TPRG1: variants seen among roughly 807,000 people sequenced by gnomAD.
The protein encoded by TPRG1 is tumor protein p63-regulated gene 1 protein.
A neutral mutation model predicts 29.3 loss-of-function variants in TPRG1; 29 were observed. The observed-to-expected ratio is 0.99, with a 90% CI of 0.74 to 1.35. The LOEUF is 1.35. Among genes scored for constraint, TPRG1 ranks in the 40% most tolerant of loss-of-function variants. TPRG1 has a pLI of 0.00. For missense variants in TPRG1, 327 were observed against 335.0 expected (o/e 0.98, Z 0.19); for synonymous variants, 130 against 116.8 (o/e 1.11, Z -0.73).
chr3:189,184,002 C>T (rs368817451), intron 1 of TPRG1, among the ~76,000 whole-genome samples: 1 of 151,952 alleles, frequency 6.6e-6, no homozygotes, highest in Non-Finnish European at 1.5e-5. Context: ...TTAGAGATTG[C>T]AGTAAAGACA....
chr3:189,260,412 C>G (rs1036172153), intron 4 of TPRG1, among the ~76,000 whole-genome samples: 2 of 152,136 alleles, frequency 1.3e-5, no homozygotes, highest in Non-Finnish European at 2.9e-5. Context: ...TCTAATTTTT[C>G]TTTGTATTGA....
intron 4 of TPRG1, among the ~76,000 whole-genome samples, chr3:189,264,597 T>C (rs913554889): frequency 6.6e-6 from 1 of 152,198 alleles, no homozygotes; most frequent in Admixed American, 6.5e-5. Context: ...AGGAAGTGGG[T>C]TAAATTATTC....
At chr3:189,285,475 G>C (rs986515850) in intron 4 of TPRG1, among the ~76,000 whole-genome samples, 1 of 152,136 alleles carries the variant, frequency 6.6e-6, no homozygotes, top group African/African-American at 2.4e-5. Context: ...AGTGTTCAGT[G>C]CTCCAAGTAA....
At chr3:189,063,315 C>T (rs1716235510) in intron 4 of TPRG1, among the ~76,000 whole-genome samples, 1 of 152,068 alleles carries the variant, frequency 6.6e-6, no homozygotes, top group Non-Finnish European at 1.5e-5. Context: ...TAATTCAGTA[C>T]TTCAGCATTA....
At chr3:189,116,394 G>A (rs1289870188) in intron 1 of TPRG1, among the ~76,000 whole-genome samples, 2 of 152,078 alleles carry the variant, frequency 1.3e-5, no homozygotes, top group African/African-American at 2.4e-5. Flanking sequence ...GGCCAGGTTG[G>A]TGTTGAACTC....
At chr3:189,274,525 A>G (rs932101285) in intron 4 of TPRG1, among the ~76,000 whole-genome samples, 1 of 152,094 alleles carries the variant, frequency 6.6e-6, no homozygotes, top group African/African-American at 2.4e-5. Context: ...TTGGGATTTG[A>G]ATGACTCTTG....
At chr3:189,103,691 G>T (rs575790027) in intron 1 of TPRG1, among the ~76,000 whole-genome samples, 19 of 152,228 alleles carry the variant, frequency 1.2e-4, no homozygotes, top group African/African-American at 2.6e-4. Context: ...AAGGATACTG[G>T]GATATAATCA....
At chr3:189,007,178 A>G (rs1222807109) in intron 3 of TPRG1, among the ~76,000 whole-genome samples, 4 of 152,148 alleles carry the variant, frequency 2.6e-5, no homozygotes, top group African/African-American at 9.7e-5. Context: ...AGAATTTACA[A>G]TGAACTCAAC....
chr3:189,213,291 TATAATGG>T (rs1208563521), intron 2 of TPRG1, among the ~76,000 whole-genome samples: 1 of 152,202 alleles, frequency 6.6e-6, no homozygotes, highest in African/African-American at 2.4e-5. Context: ...CAAAATGGTG[TATAATGG>T]ATCCTCATAA....
intron 1 of TPRG1, among the ~76,000 whole-genome samples, chr3:189,178,641 C>T (rs1262463763): frequency 6.6e-6 from 1 of 152,122 alleles, no homozygotes; most frequent in Non-Finnish European, 1.5e-5. Flanking sequence ...ATCATTTTTT[C>T]AGGCTCCAGG....
chr3:189,312,097 GTTTCTTTGTTTCTTTCTTTGTTTC>G (rs1281619027), intron 5 of TPRG1, among the ~76,000 whole-genome samples: 2 of 71,084 alleles, frequency 2.8e-5, no homozygotes, highest in African/African-American at 1.2e-4. Flanking sequence ...TTCTTTCTTT[GTTTCTTTGTTTCTTTCTTTGTTTC>G]TTTCTTTCTT....
At chr3:189,043,632 T>C (rs1273736194) in intron 4 of TPRG1, among the ~76,000 whole-genome samples, 2 of 152,190 alleles carry the variant, frequency 1.3e-5, no homozygotes, top group Non-Finnish European at 2.9e-5. Flanking sequence ...ACAACTCCCT[T>C]CAGAGACTGG....
At chr3:189,191,091 CTTACT>C (rs1181633328) in intron 1 of TPRG1, 1 of 436,876 alleles carries the variant, frequency 2.3e-6, no homozygotes, top group Admixed American at 6.4e-5. Context: ...TACATGTATT[CTTACT>C]TTCAAATATG....
chr3:189,274,317 G>A (rs367777913), intron 4 of TPRG1, among the ~76,000 whole-genome samples: 117 of 152,146 alleles, frequency 7.7e-4, no homozygotes, highest in African/African-American at 2.7e-3. Flanking sequence ...ATCTCTTAAC[G>A]ATGGAATATG....
At chr3:189,284,167 T>C (rs916154443) in intron 4 of TPRG1, among the ~76,000 whole-genome samples, 1 of 151,176 alleles carries the variant, frequency 6.6e-6, no homozygotes. Context: ...CCTCCCCGCA[T>C]TTTTCTTTTC....
At chr3:189,070,016 G>A (rs1478373623) in intron 4 of TPRG1, among the ~76,000 whole-genome samples, 1 of 152,152 alleles carries the variant, frequency 6.6e-6, no homozygotes, top group African/African-American at 2.4e-5. Context: ...GGGAGGTGGA[G>A]GTTGCAGTGA....
chr3:189,054,498 C>G (rs771228416), intron 4 of TPRG1, among the ~76,000 whole-genome samples: 9 of 151,242 alleles, frequency 6.0e-5, no homozygotes, highest in African/African-American at 2.4e-5. Context: ...TTATTTTTGG[C>G]GTGCCACAAA....
chr3:189,082,074 T>G (rs1296752649), intron 4 of TPRG1, among the ~76,000 whole-genome samples: 2 of 152,162 alleles, frequency 1.3e-5, no homozygotes, highest in African/African-American at 4.8e-5. Context: ...GAACAAGATA[T>G]ATCTGAGGTC....
At chr3:189,135,767 A>G (rs1254167392) in intron 3 of TPRG1, among the ~76,000 whole-genome samples, 1 of 152,200 alleles carries the variant, frequency 6.6e-6, no homozygotes, top group Non-Finnish European at 1.5e-5. Context: ...TAGCCTTTCC[A>G]GATGCAGTGT....
Sources: gnomAD v4.1 joint callset for allele counts (sites outside exome capture counted in the v4.1 genomes callset) on GRCh38, gnomAD v4.1.1 for gene constraint, MANE v1.5 for transcripts, NCBI Gene and HGNC (gene_info 2026-07-23, HGNC 2026-07-21) for gene names.